The following CDC34 variants were observed in gnomAD, a reference collection of about 807,000 sequenced individuals.
CDC34 encodes the protein cell division cycle 34, ubiquitin conjugating enzyme, also known as ubiquitin-conjugating enzyme E2 R1.
A neutral mutation model predicts 26.8 loss-of-function variants in CDC34; 18 were observed. The ratio of observed to expected loss-of-function variants is 0.67; its 90% CI spans 0.47 to 1.00. CDC34 has a LOEUF of 1.00. Ranked by LOEUF, CDC34 falls within the 50% of genes least tolerant of loss-of-function variation. The pLI, the probability that CDC34 is intolerant of heterozygous loss-of-function variation, is 0.00. For synonymous variants in CDC34, 178 were observed against 147.5 expected (o/e 1.21, Z -1.50); for missense variants, 280 against 334.5 (o/e 0.84, Z 1.27).
At chr19:539,125 C>T (rs565346557) in intron 4 of CDC34, 52 of 630,410 alleles carry the variant, frequency 8.2e-5, no homozygotes, top group Non-Finnish European at 9.9e-5. Flanking sequence ...GTGTTGGCCT[C>T]GTGGCAGCCC....
chr19:541,475 G>T lies in CDC34; in HGVS notation c.634G>T (p.Glu212Ter). 2.5e-6 allele frequency: 4 copies of T among 1,612,188 alleles called. No homozygotes were observed. Among genetic ancestry groups the T allele is most frequent in the Non-Finnish European group, 3.4e-6 (4 of 1,179,448 alleles). The change falls in exon 5 of 5, where the codon GAG (glutamate) becomes TAG (stop). Residue 212 changes from glutamate to a stop codon, truncating the protein, a stop_gained. Transcript: ENST00000215574. LOFTEE classifies it high-confidence loss of function. ...GSDLFYDDYYEDGEVEEEADS... is the reference protein window; with the variant it reads ...GSDLFYDDYY ...AGACCTCTTCTACGACGACTACTAC[G>T]AGGACGGCGAGGTGGAGGAGGAGGC... is the stretch of plus-strand genomic sequence containing the variant.
chr19:532,988 C>T (rs955565028), intron 1 of CDC34, among the ~76,000 whole-genome samples: 2 of 152,130 alleles, frequency 1.3e-5, no homozygotes, highest in African/African-American at 2.4e-5. Context: ...TTTCTTCTGC[C>T]CTCTGGCGGT....
chr19:532,580 C>T (rs575040991), intron 1 of CDC34, among the ~76,000 whole-genome samples: 94 of 152,356 alleles, frequency 6.2e-4, no homozygotes, highest in African/African-American at 1.8e-3. Context: ...CCCCCAGACC[C>T]CGTAGCTGCT....
intron 1 of CDC34, among the ~76,000 whole-genome samples, chr19:535,358 A>C (rs1979691462): frequency 1.3e-5 from 2 of 152,208 alleles, no homozygotes; most frequent in Non-Finnish European, 2.9e-5. Context: ...GTGTTTGCTA[A>C]CTGAGCAATC....
chr19:541,914 T>C lies in CDC34; in HGVS notation c.*362T>C. 5.5e-6 allele frequency: 1 copy of C among 180,320 alleles called. No individual in the cohort carries two copies. Among genetic ancestry groups the C allele is most frequent in the Non-Finnish European group, 1.2e-5 (1 of 85,790 alleles). The allele number at this position is 180,320 out of a possible 1,614,324, so 11.2% of individuals were successfully genotyped here. On this transcript the variant is annotated 3_prime_UTR_variant, in exon 5 of 5. Coordinates refer to ENST00000215574, the MANE Select transcript of CDC34 (RefSeq NM_004359.2). ...TGCTGGGAACGTGGGCGGGGGGCCGTTTCCTGACACTACCAGCCTGGGAGG... is the reference window on the plus strand; with the variant it reads ...TGCTGGGAACGTGGGCGGGGGGCCGCTTCCTGACACTACCAGCCTGGGAGG...
intron 1 of CDC34, among the ~76,000 whole-genome samples, chr19:534,881 C>T (rs1288956003): frequency 2.0e-5 from 3 of 149,958 alleles, no homozygotes; most frequent in Admixed American, 2.0e-4. Context: ...GTCCAGACCT[C>T]GCCCACGATC....
chr19:540,796 A>C (rs1979974394), intron 4 of CDC34, among the ~76,000 whole-genome samples: 1 of 40,528 alleles, frequency 2.5e-5, no homozygotes, highest in Non-Finnish European at 6.6e-5. Context: ...TGGGATGGCC[A>C]GGCCCCCCGG....
At chr19:539,200 T>C (rs1011807460) in intron 4 of CDC34, among the ~76,000 whole-genome samples, 3 of 152,140 alleles carry the variant, frequency 2.0e-5, no homozygotes, top group African/African-American at 7.2e-5. Context: ...ATGTTGGTCT[T>C]GCTGAACAGG....
intron 4 of CDC34, among the ~76,000 whole-genome samples, chr19:537,977 G>C (rs191172540): frequency 1.3e-5 from 2 of 152,322 alleles, no homozygotes; most frequent in East Asian, 1.9e-4. Flanking sequence ...TGTTTTCATA[G>C]ATTCTTCCAG....
intron 4 of CDC34, among the ~76,000 whole-genome samples, chr19:537,813 G>A (rs1201605110): frequency 3.3e-5 from 5 of 151,656 alleles, no homozygotes; most frequent in Admixed American, 6.6e-5. Context: ...CCACTACCAC[G>A]CCGAGCTAAT....
intron 4 of CDC34, chr19:538,629 C>A: frequency 1.2e-6 from 1 of 853,228 alleles, no homozygotes; most frequent in Non-Finnish European, 1.4e-6. Flanking sequence ...ATCTTAAAAA[C>A]AACTTTTAAA....
chr19:534,445 G>T (rs1372125304), intron 1 of CDC34, among the ~76,000 whole-genome samples: 2 of 123,512 alleles, frequency 1.6e-5, no homozygotes, highest in Non-Finnish European at 3.4e-5. Context: ...CCTCGCCCAC[G>T]ATCCAAGACC....
chr19:538,227 C>A (rs938248730), intron 4 of CDC34, among the ~76,000 whole-genome samples: 4 of 152,262 alleles, frequency 2.6e-5, no homozygotes, highest in Non-Finnish European at 5.9e-5. Flanking sequence ...TTACTCATGT[C>A]TGGAGTGCGT....
Position 532,009 on chromosome 19 carries a change from G to C in CDC34, c.78G>C (p.Glu26Asp). The C allele has an allele frequency of 2.0e-6, 3 of 1,509,608 alleles. No homozygotes were observed. The highest frequency in any genetic ancestry group is 2.6e-6 in the Non-Finnish European group (3 of 1,137,354). The allele number at this position is 1,509,608 out of a possible 1,614,324, so 93.5% of individuals were successfully genotyped here. ...AGGGGCTGCAGGAAGAGCCGGTCGA[G>C]GGATTCCGCGTGACACTGGTGGACG... The part of the protein sequence containing the change: ...ELKGLQEEPV[E>D]GFRVTLVDEG... Residue 26 changes from glutamate (E) to aspartate (D), a missense_variant, in exon 1 of 5, where the codon GAG (glutamate) becomes GAC (aspartate). Transcript: ENST00000215574.
chr19:537,943 C>T (rs1279461166), intron 4 of CDC34, among the ~76,000 whole-genome samples: 1 of 152,246 alleles, frequency 6.6e-6, no homozygotes, highest in Non-Finnish European at 1.5e-5. Context: ...AGGCGTGAGC[C>T]ACTGCACCTG....
At position 541,433 on chromosome 19, in the gene CDC34, G is replaced by A. The variant is rs1167681324; in HGVS notation, c.592G>A (p.Ala198Thr). Residue 198 changes from alanine to threonine, a missense_variant, in exon 5 of 5, where the codon GCG (alanine) becomes ACG (threonine). Ala to Thr is a moderately conservative substitution (Grantham distance 58, BLOSUM62 0). Coordinates refer to ENST00000215574, the MANE Select transcript of CDC34 (RefSeq NM_004359.2). ...AEYCVKTKAPAPDEGSDLFYD... is the reference protein window; with the variant it reads ...AEYCVKTKAPTPDEGSDLFYD... Reference sequence around the variant, plus strand: ...GTACTGCGTGAAGACCAAGGCGCCGGCGCCCGACGAGGGCTCAGACCTCTT... The same window carrying A: ...GTACTGCGTGAAGACCAAGGCGCCGACGCCCGACGAGGGCTCAGACCTCTT... 2 of 1,612,618 alleles carry A rather than the reference G, an allele frequency of 1.2e-6. No individual in the cohort carries two copies. Among genetic ancestry groups the A allele is most frequent in the East Asian group, 2.2e-5 (1 of 44,854 alleles).
intron 4 of CDC34, among the ~76,000 whole-genome samples, chr19:540,921 C>T (rs1355470948): frequency 6.6e-6 from 1 of 152,182 alleles, no homozygotes; most frequent in Non-Finnish European, 1.5e-5. Context: ...GTTCCCGTCT[C>T]CAGGGATGGT....
intron 3 of CDC34, chr19:536,610 A>C (rs892202): frequency 0.91 from 514,676 of 565,006 alleles, 235,300 homozygotes; most frequent in East Asian, 1. Context: ...GTGTCCCGCC[A>C]TCCTCAGTCC....
intron 4 of CDC34, 75 bp downstream of exon 4, chr19:537,222 G>T: frequency 1.3e-6 from 2 of 1,539,788 alleles, no homozygotes; most frequent in Non-Finnish European, 1.8e-6. Context: ...TCCCACGGCC[G>T]CCCAGCCCCA....
Sources: gnomAD v4.1 joint callset for allele counts (sites outside exome capture counted in the v4.1 genomes callset) on GRCh38, gnomAD v4.1.1 for gene constraint, MANE v1.5 for transcripts, NCBI Gene and HGNC (gene_info 2026-07-23, HGNC 2026-07-21) for gene names.